The following MRPL4 variants were observed in gnomAD, a reference collection of about 807,000 sequenced individuals.
MRPL4 encodes mitochondrial ribosomal protein L4, also known as large ribosomal subunit protein uL4m.
A neutral mutation model predicts 34.1 loss-of-function variants in MRPL4; 34 were observed. That is an observed-to-expected ratio of 1.00 (90% CI 0.76 to 1.33). The LOEUF is 1.33. Among genes scored for constraint, MRPL4 ranks in the 40% most tolerant of loss-of-function variants. MRPL4 has a pLI of 0.00. For missense variants in MRPL4, 402 were observed against 434.6 expected (o/e 0.92, Z 0.67); for synonymous variants, 196 against 188.3 (o/e 1.04, Z -0.33).
chr19:10,257,008 A>G (rs1048438373), intron 5 of MRPL4, among the ~76,000 whole-genome samples, 183 bp downstream of exon 5: 2 of 151,942 alleles, frequency 1.3e-5, no homozygotes, highest in Non-Finnish European at 2.9e-5. Context: ...CTACCCATAT[A>G]AGGGGACAGA....
chr19:10,259,600 C>G lies in MRPL4; in HGVS notation c.740-17C>G. On this transcript the variant is annotated splice_polypyrimidine_tract_variant and intron_variant, in intron 8 of 8. Transcript: ENST00000253099. ...CGGCCTGACCGGCCCCCCGCCCCGCCCCCACCCCGCCCCCAGGCCTAAATG... is the reference window on the plus strand; with the variant it reads ...CGGCCTGACCGGCCCCCCGCCCCGCGCCCACCCCGCCCCCAGGCCTAAATG... The G allele has an allele frequency of 4.0e-6, 6 of 1,496,356 alleles. No individual in the cohort carries two copies. Among genetic ancestry groups the G allele is most frequent in the Non-Finnish European group, 5.3e-6 (6 of 1,130,940 alleles). 92.7% of individuals were successfully genotyped at this position (1,496,356 alleles called of 1,614,324 possible). A position where few individuals can be genotyped will look rare whatever the true frequency, so the allele number is the denominator to read the frequency against.
At chr19:10,255,951 G>A (rs2039847358) in intron 4 of MRPL4, among the ~76,000 whole-genome samples, 6 of 152,004 alleles carry the variant, frequency 3.9e-5, no homozygotes, top group Admixed American at 3.9e-4. Context: ...TTCCAAACCA[G>A]CCTAGTCAAC....
intron 8 of MRPL4, chr19:10,258,897 A>G: frequency 6.8e-7 from 1 of 1,462,672 alleles, no homozygotes; most frequent in East Asian, 2.5e-5. Flanking sequence ...GTACTTTGGG[A>G]GGCCAAGGCA....
intron 8 of MRPL4, chr19:10,259,124 A>AGG: frequency 7.8e-7 from 1 of 1,274,826 alleles, no homozygotes; most frequent in Non-Finnish European, 9.9e-7. Flanking sequence ...AAAAAAAAAA[A>AGG]AGCTCCAAAG....
At chr19:10,254,157 G>A (rs906646483) in intron 3 of MRPL4, among the ~76,000 whole-genome samples, 1 of 152,026 alleles carries the variant, frequency 6.6e-6, no homozygotes, top group Non-Finnish European at 1.5e-5. Context: ...TAGCCAGAAT[G>A]ACAGACATGT....
In MRPL4 at chr19:10,256,704, C is replaced by G; in HGVS notation, c.328-4C>G. The G allele has an allele frequency of 6.2e-7, 1 of 1,611,412 alleles. No individual in the cohort carries two copies. The highest frequency in any genetic ancestry group is 8.5e-7 in the Non-Finnish European group (1 of 1,178,672). ...CCTGACCCCCCTCCTCTTTGTGCCT[C>G]CAGAGCTATGCCAAGACCAAGACGA... On this transcript the variant is annotated splice_region_variant and splice_polypyrimidine_tract_variant and intron_variant, in intron 4 of 8. Transcript: ENST00000253099.
At chr19:10,252,362 A>G in intron 1 of MRPL4, 35 bp from the exon 2 acceptor site, 1 of 1,614,000 alleles carries the variant, frequency 6.2e-7, no homozygotes, top group Non-Finnish European at 8.5e-7. Context: ...GGGGGTGTCC[A>G]GGGGTCGTCT....
intron 8 of MRPL4, chr19:10,259,111 A>AG: frequency 8.1e-7 from 1 of 1,233,046 alleles, no homozygotes; most frequent in East Asian, 3.6e-5. Flanking sequence ...AAAAAAAAAA[A>AG]AAAAAAAAAA....
rs1309558577 is a variant in MRPL4, at chr19:10,260,043, CAAG to C, written c.*231_*233del. 11 of 465,436 alleles carry C rather than the reference CAAG, an allele frequency of 2.4e-5. No homozygotes were observed. The highest frequency in any genetic ancestry group is 3.8e-5 in the Non-Finnish European group (10 of 266,462). 28.8% of individuals were successfully genotyped at this position (465,436 alleles called of 1,614,324 possible). On this transcript the variant is annotated 3_prime_UTR_variant, in exon 9 of 9. Transcript: ENST00000253099. ...TTTAAAATAAATTGTATTTTTGAAT[CAAG>C]GAGGATAAAGATAACTTCTCAGTGT...
Position 10,258,424 on chromosome 19 carries a change from C to T in MRPL4, c.564C>T (p.His188=), listed in dbSNP as rs761079041. 4 of 1,614,088 alleles carry T rather than the reference C, an allele frequency of 2.5e-6. No individual in the cohort carries two copies. The highest frequency in any genetic ancestry group is 3.4e-6 in the Non-Finnish European group (4 of 1,180,006). ...LTVKLAQDDL[H]IMDSLELPTG... is the part of the protein sequence containing the mutation. ...TTTCCTTCCACCAGGACGACCTGCA[C>T]ATCATGGACTCCCTAGAGCTGCCCA... The change falls in exon 7 of 9, where the codon CAC becomes CAT. Residue 188 remains histidine (H), a synonymous_variant. Transcript: ENST00000253099.
At chr19:10,254,921 C>G in intron 4 of MRPL4, 1 of 246,294 alleles carries the variant, frequency 4.1e-6, no homozygotes, top group Non-Finnish European at 8.1e-6. Flanking sequence ...TCTCCTGCCT[C>G]TGCCTCCTGA....
chr19:10,257,799 A>C (rs577092313), intron 5 of MRPL4, among the ~76,000 whole-genome samples: 39 of 152,024 alleles, frequency 2.6e-4, no homozygotes, highest in Non-Finnish European at 4.3e-4. Context: ...ACCATAACTC[A>C]TGGTGTCCTA....
At chr19:10,258,174 C>G in intron 5 of MRPL4, 48 bp from the exon 6 acceptor site, 1 of 1,365,786 alleles carries the variant, frequency 7.3e-7, no homozygotes, top group Non-Finnish European at 1.0e-6. Context: ...TGCTGACCTC[C>G]AGGCTCTGCA....
At chr19:10,255,691 GCTCACACCTTCC>G (rs906123400) in intron 4 of MRPL4, 2 of 152,532 alleles carry the variant, frequency 1.3e-5, no homozygotes, top group African/African-American at 4.8e-5. Flanking sequence ...TCCTCCCCCT[GCTCACACCTTCC>G]CTGGCTCCCC....
chr19:10,252,555 C>G lies in MRPL4; in HGVS notation c.129C>G (p.Leu43=). The change falls in exon 3 of 9, where the codon CTC becomes CTG. Residue 43 remains leucine, a synonymous_variant. Coordinates refer to ENST00000253099, the MANE Select transcript of MRPL4 (RefSeq NM_015956.3). ...TGACCCCCGCAATCGCTCCAGGTCTCCCGGAGCCCGTGCTGCGCAAAGTCG... is the reference window on the plus strand; with the variant it reads ...TGACCCCCGCAATCGCTCCAGGTCTGCCGGAGCCCGTGCTGCGCAAAGTCG... ...ENPEQVASEG[L]PEPVLRKVEL... 3.7e-6 allele frequency: 6 copies of G among 1,613,168 alleles called. No homozygotes were observed. Among genetic ancestry groups the G allele is most frequent in the Middle Eastern group, 1.7e-4 (1 of 6,058 alleles).
At chr19:10,256,618 C>T in intron 4 of MRPL4, 90 bp from the exon 5 acceptor site, 1 of 1,048,868 alleles carries the variant, frequency 9.5e-7, no homozygotes. Flanking sequence ...CATGGTGCCT[C>T]CTGTCTGACT....
chr19:10,252,151 AGTCGCGGCGGGTAGGGCGGC>A (rs1420852709), upstream of MRPL4: 3 of 1,370,616 alleles, frequency 2.2e-6, no homozygotes, highest in Non-Finnish European at 2.9e-6. Context: ...TCCAGCGCGG[AGTCGCGGCGGGTAGGGCGGC>A]GTCGCGTGCG....
chr19:10,259,057 C>T lies in MRPL4; in HGVS notation c.739+372C>T, dbSNP rs552260352. On this transcript the variant is annotated intron_variant, in intron 8 of 8. Transcript: ENST00000253099. ...AAGGCTGCAGTGAGTCATGATCGCA[C>T]CACTGCACCCAAACCTGGGGAGAGA... 1.3e-5 allele frequency: 17 copies of T among 1,338,480 alleles called. No individual in the cohort carries two copies. The South Asian group carries it at 3.0e-4, about 23-fold the overall frequency. The allele number at this position is 1,338,480 out of a possible 1,614,324, so 82.9% of individuals were successfully genotyped here.
chr19:10,259,853 G>T lies in MRPL4; in HGVS notation c.*40G>T. ...TCTGAGCCAGGCCGAGCCCCTGGCC[G>T]ACTTGGGAGCCTCAGGCCCACGCCC... On this transcript the variant is annotated 3_prime_UTR_variant, in exon 9 of 9. Transcript: ENST00000253099. 1 of 1,550,522 alleles carries T rather than the reference G, an allele frequency of 6.4e-7. No individual in the cohort carries two copies. The highest frequency in any genetic ancestry group is 1.2e-5 in the South Asian group (1 of 86,794).
Sources: gnomAD v4.1 joint callset for allele counts (sites outside exome capture counted in the v4.1 genomes callset) on GRCh38, gnomAD v4.1.1 for gene constraint, MANE v1.5 for transcripts, NCBI Gene and HGNC (gene_info 2026-07-23, HGNC 2026-07-21) for gene names.